Variants in ALK observed in about 807,000 individuals in gnomAD.
ALK encodes the protein ALK receptor tyrosine kinase, also known as ALK tyrosine kinase receptor.
A neutral mutation model predicts 163.1 loss-of-function variants in ALK; 74 were observed. That is an observed-to-expected ratio of 0.45 (90% CI 0.38 to 0.55). The LOEUF is 0.55. ALK is among the 20% of genes least tolerant of loss of function. The pLI is 0.00. For missense variants in ALK, 2,063 were observed against 2,105.3 expected (o/e 0.98, Z 0.39); for synonymous variants, 960 against 843.2 (o/e 1.14, Z -2.40).
chr2:29,658,120 C>A (rs1192276661), intron 3 of ALK, among the ~76,000 whole-genome samples: 2 of 152,132 alleles, frequency 1.3e-5, no homozygotes, highest in Non-Finnish European at 2.9e-5. Context: ...ACTGTCCACT[C>A]AAGCCAGGCC....
chr2:29,402,015 C>A (rs1042791270), intron 4 of ALK, among the ~76,000 whole-genome samples: 2 of 152,194 alleles, frequency 1.3e-5, no homozygotes, highest in Non-Finnish European at 1.5e-5. Context: ...GAGGGCCGGG[C>A]TGGTGGGAAC....
intron 11 of ALK, among the ~76,000 whole-genome samples, chr2:29,266,809 G>A (rs1665233761): frequency 1.3e-5 from 2 of 152,144 alleles, no homozygotes; most frequent in Non-Finnish European, 2.9e-5. Flanking sequence ...ACATAGTCTT[G>A]AGATTGATCC....
chr2:29,664,277 C>A (rs1339342848), intron 3 of ALK, among the ~76,000 whole-genome samples: 1 of 152,104 alleles, frequency 6.6e-6, no homozygotes, highest in Non-Finnish European at 1.5e-5. Flanking sequence ...TTATGAAAAA[C>A]CAAACTTGAA....
chr2:29,461,135 G>A (rs1671074875), intron 4 of ALK, among the ~76,000 whole-genome samples: 1 of 152,148 alleles, frequency 6.6e-6, no homozygotes, highest in Admixed American at 6.5e-5. Flanking sequence ...TCAGTTCCAG[G>A]AAGGCTGAGA....
intron 4 of ALK, among the ~76,000 whole-genome samples, chr2:29,479,386 C>G (rs1315234726): frequency 6.6e-6 from 1 of 152,206 alleles, no homozygotes; most frequent in Non-Finnish European, 1.5e-5. Flanking sequence ...CGCTTGAACA[C>G]ACAGGCCTGA....
At chr2:29,419,001 T>C (rs1263366067) in intron 4 of ALK, among the ~76,000 whole-genome samples, 1 of 151,544 alleles carries the variant, frequency 6.6e-6, no homozygotes, top group African/African-American at 2.4e-5. Context: ...GTCTGTGCTC[T>C]CAATAATCCT....
intron 4 of ALK, among the ~76,000 whole-genome samples, chr2:29,506,118 C>T (rs1672313267): frequency 6.6e-6 from 1 of 152,164 alleles, no homozygotes; most frequent in South Asian, 2.1e-4. Flanking sequence ...GGTACAGAGG[C>T]TCTACGTAAG....
At chr2:29,649,217 T>TGAGA (rs141534978) in intron 3 of ALK, among the ~76,000 whole-genome samples, 11,357 of 147,302 alleles carry the variant, frequency 0.077, 1,008 homozygotes, top group African/African-American at 0.23. Context: ...TGTGTGTATG[T>TGAGA]GAGAGAGAGA....
intron 3 of ALK, among the ~76,000 whole-genome samples, chr2:29,620,308 T>A (rs929234227): frequency 1.3e-5 from 2 of 152,098 alleles, no homozygotes; most frequent in Non-Finnish European, 2.9e-5. Flanking sequence ...ATGGCTTCCC[T>A]CACGTTCACA....
intron 14 of ALK, among the ~76,000 whole-genome samples, chr2:29,232,714 G>A (rs1374490194): frequency 6.6e-6 from 1 of 152,190 alleles, no homozygotes; most frequent in Non-Finnish European, 1.5e-5. Flanking sequence ...GGTGGGGGTT[G>A]ATCTTAGAGG....
chr2:29,688,455 T>A (rs1323161217), intron 3 of ALK, among the ~76,000 whole-genome samples: 1 of 152,230 alleles, frequency 6.6e-6, no homozygotes, highest in African/African-American at 2.4e-5. Context: ...AAAGTGCATA[T>A]AATTGATGAA....
At chr2:29,347,239 C>A (rs548623931) in intron 5 of ALK, among the ~76,000 whole-genome samples, 14 of 152,312 alleles carry the variant, frequency 9.2e-5, no homozygotes, top group African/African-American at 2.4e-4. Context: ...CTAGAACATT[C>A]TAAGAGTGGG....
At chr2:29,394,465 A>C (rs770032314) in intron 4 of ALK, among the ~76,000 whole-genome samples, 1 of 152,224 alleles carries the variant, frequency 6.6e-6, no homozygotes, top group Non-Finnish European at 1.5e-5. Context: ...CTCCTCCAGC[A>C]TCTGCTGAGC....
rs114695489 is a variant in ALK at position 29,722,424 on chromosome 2, C to G, written c.668-4727G>C. 8.3e-3 allele frequency among the ~76,000 whole-genome samples: 1,264 copies of G among 152,282 alleles called. 26 individuals carry two copies. Among genetic ancestry groups the G allele is most frequent in the African/African-American group, 0.027 (1,139 of 41,556 alleles). ...TAGTTCAAAGAACCGATTTTCAACT[C>G]CAAATAACCAGAACCACATTGTAGC... On this transcript the variant is annotated intron_variant, in intron 1 of 28. Coordinates refer to ENST00000389048, the MANE Select transcript of ALK (RefSeq NM_004304.5).
chr2:29,919,743 G>C (rs1166724001), intron 1 of ALK, among the ~76,000 whole-genome samples: 3 of 152,136 alleles, frequency 2.0e-5, no homozygotes, highest in Non-Finnish European at 4.4e-5. Context: ...AGAAGAAGGC[G>C]CTCTGCCAAG....
intron 1 of ALK, among the ~76,000 whole-genome samples, chr2:29,723,527 C>T (rs891682300): frequency 6.6e-6 from 1 of 152,192 alleles, no homozygotes; most frequent in Non-Finnish European, 1.5e-5. Flanking sequence ...CCATGCCTGG[C>T]ACACAGCAGG....
chr2:29,647,689 T>C (rs10185779), intron 3 of ALK, among the ~76,000 whole-genome samples: 5,010 of 152,124 alleles, frequency 0.033, 180 homozygotes, highest in African/African-American at 0.091. Context: ...AATGCCCCTT[T>C]TCACACAAAC....
intron 1 of ALK, among the ~76,000 whole-genome samples, chr2:29,732,121 G>C (rs985395204): frequency 1.3e-5 from 2 of 152,292 alleles, no homozygotes; most frequent in African/African-American, 4.8e-5. Flanking sequence ...CTACAATAGG[G>C]AGAAAACAAT....
chr2:29,296,552 A>G (rs538693196), intron 9 of ALK, among the ~76,000 whole-genome samples: 3 of 152,386 alleles, frequency 2.0e-5, no homozygotes, highest in African/African-American at 7.2e-5. Flanking sequence ...TGCTATATAC[A>G]TGTAAAACCA....
Sources: allele counts gnomAD v4.1 joint callset (sites outside exome capture counted in the v4.1 genomes callset), GRCh38; gene constraint gnomAD v4.1.1; transcripts MANE v1.5; gene names NCBI Gene and HGNC (gene_info 2026-07-23, HGNC 2026-07-21).